Variants in MGAM2 observed in about 807,000 individuals in gnomAD.
The protein encoded by MGAM2 is maltase-glucoamylase 2 (putative).
MGAM2 carries 98 observed loss-of-function variants against 96.1 expected under a neutral mutation model. The ratio of observed to expected loss-of-function variants is 1.02; its 90% CI spans 0.87 to 1.21. MGAM2 has a LOEUF of 1.21. Among genes scored for constraint, MGAM2 ranks in the 50% most tolerant of loss-of-function variants. The pLI is 0.00. For synonymous variants in MGAM2, 749 were observed against 414.8 expected (o/e 1.81, Z -9.79); for missense variants, 2,055 against 1,182.4 (o/e 1.74, Z -10.82).
Position 142,137,545 on chromosome 7 carries a change from G to C in MGAM2, c.960G>C (p.Glu320Asp). The change falls in exon 9 of 48, where the codon GAG (glutamate) becomes GAC (aspartate). Residue 320 changes from glutamate (E) to aspartate (D), a missense_variant and splice_region_variant. By Grantham distance (45) the Glu-to-Asp change is conservative. Coordinates refer to ENST00000477922, the MANE Select transcript of MGAM2 (RefSeq NM_001293626.2). ...AACAAGTGGTTCAGGAATACTTGGAGGTATGTCTTTGCATTTAGATAGTCA... is the reference window on the plus strand; with the variant it reads ...AACAAGTGGTTCAGGAATACTTGGACGTATGTCTTTGCATTTAGATAGTCA... ...TPEQVVQEYL[E>D]LVGRPFFPPY... 1.4e-6 allele frequency: 1 copy of C among 694,126 alleles called. No homozygotes were observed. The highest frequency in any genetic ancestry group is 2.6e-6 in the Non-Finnish European group (1 of 380,830). The allele number at this position is 694,126 out of a possible 1,614,324, so 43.0% of individuals were successfully genotyped here.
intron 26 of MGAM2, among the ~76,000 whole-genome samples, chr7:142,169,748 A>G (rs932485703): frequency 6.6e-6 from 1 of 152,174 alleles, no homozygotes; most frequent in Non-Finnish European, 1.5e-5. Flanking sequence ...ACACATTTCT[A>G]TGCACATACA....
At chr7:142,173,035 C>T (rs192969126) in intron 30 of MGAM2, among the ~76,000 whole-genome samples, 194 bp from the exon 31 acceptor site, 18 of 152,258 alleles carry the variant, frequency 1.2e-4, no homozygotes, top group Admixed American at 1.1e-3. Flanking sequence ...CTCTGGAATA[C>T]AGAAAAACTT....
chr7:142,193,177 T>A (rs1343174158), intron 37 of MGAM2, among the ~76,000 whole-genome samples: 3 of 152,154 alleles, frequency 2.0e-5, no homozygotes, highest in African/African-American at 7.2e-5. Context: ...TGTTTCTCCC[T>A]TTACCAATCA....
intron 32 of MGAM2, among the ~76,000 whole-genome samples, chr7:142,182,028 G>T (rs1236075050): frequency 6.6e-6 from 1 of 152,078 alleles, no homozygotes; most frequent in African/African-American, 2.4e-5. Flanking sequence ...TGGTAAACAG[G>T]CTACATCCTT....
intron 17 of MGAM2, 105 bp downstream of exon 17, chr7:142,154,950 G>A (rs1795695080): frequency 3.1e-6 from 2 of 647,116 alleles, no homozygotes; most frequent in Admixed American, 2.4e-5. Context: ...ACTAACTGCA[G>A]CAGAAGGATA....
rs1287893387 is a variant in MGAM2, at chr7:142,157,989, G to A, written c.1976G>A (p.Arg659Lys). 1.4e-6 allele frequency: 1 copy of A among 702,910 alleles called. No homozygotes were observed. Among genetic ancestry groups the A allele is most frequent in the Non-Finnish European group, 2.6e-6 (1 of 384,980 alleles). 43.5% of individuals were successfully genotyped at this position (702,910 alleles called of 1,614,324 possible). A position where few individuals can be genotyped will look rare whatever the true frequency, so the allele number is the denominator to read the frequency against. The stretch of plus-strand genomic sequence containing the variant: ...GATTCCCTGCTGCTGAAATCCTCCA[G>A]ACATTATCTGAACATCCGCTACACC... ...GVDSLLLKSSRHYLNIRYTLL... is the reference protein window; with the variant it reads ...GVDSLLLKSSKHYLNIRYTLL... The change falls in exon 18 of 48, where the codon AGA becomes AAA. Residue 659 changes from arginine (R) to lysine (K), a missense_variant. Coordinates refer to ENST00000477922, the MANE Select transcript of MGAM2 (RefSeq NM_001293626.2).
intron 37 of MGAM2, among the ~76,000 whole-genome samples, chr7:142,194,687 C>CGTGTGTGT (rs201949167): frequency 9.0e-4 from 106 of 118,224 alleles, no homozygotes; most frequent in Admixed American, 3.9e-3. Flanking sequence ...TTTAATAGAA[C>CGTGTGTGT]ATGTGTGTAT....
At chr7:142,172,919 T>C (rs1164256088) in intron 30 of MGAM2, among the ~76,000 whole-genome samples, 155 bp downstream of exon 30, 1 of 152,224 alleles carries the variant, frequency 6.6e-6, no homozygotes, top group Non-Finnish European at 1.5e-5. Context: ...AGTATTATGG[T>C]TCTATAAAGC....
At chr7:142,135,232 G>A (rs1279161036) in intron 7 of MGAM2, among the ~76,000 whole-genome samples, 1 of 152,214 alleles carries the variant, frequency 6.6e-6, no homozygotes, top group African/African-American at 2.4e-5. Flanking sequence ...AATGGAGGGA[G>A]TGAACTTGCT....
chr7:142,161,924 A>G (rs1452637916), intron 22 of MGAM2, 31 bp from the exon 23 acceptor site: 1 of 672,136 alleles, frequency 1.5e-6, no homozygotes, highest in Non-Finnish European at 2.7e-6. Flanking sequence ...TTGGCTTCCC[A>G]TAGTAACCGG....
chr7:142,187,850 A>G lies in MGAM2; in HGVS notation c.4207+16A>G. On this transcript the variant is annotated intron_variant, in intron 36 of 47. Coordinates refer to ENST00000477922, the MANE Select transcript of MGAM2 (RefSeq NM_001293626.2). ...TATATGCCATGTATGTAAAATAATT[A>G]CTTCATCAACTTACTTTCCTACTCA... 1 of 699,384 alleles carries G rather than the reference A, an allele frequency of 1.4e-6. No individual in the cohort carries two copies. Among genetic ancestry groups the G allele is most frequent in the South Asian group, 1.5e-5 (1 of 67,138 alleles). The allele number at this position is 699,384 out of a possible 1,614,324, so 43.3% of individuals were successfully genotyped here.
At chr7:142,174,227 G>A (rs941456773) in intron 31 of MGAM2, among the ~76,000 whole-genome samples, 17 of 152,194 alleles carry the variant, frequency 1.1e-4, no homozygotes, top group African/African-American at 3.6e-4. Context: ...AATGTCAATG[G>A]TAGATTAATG....
At chr7:142,132,258 A>G (rs1187262813) in intron 6 of MGAM2, among the ~76,000 whole-genome samples, 173 bp downstream of exon 6, 1 of 150,710 alleles carries the variant, frequency 6.6e-6, no homozygotes, top group East Asian at 1.9e-4. Flanking sequence ...CATGCTCGTA[A>G]AACAGAGAAT....
chr7:142,138,716 T>C, intron 10 of MGAM2, 49 bp downstream of exon 10: 2 of 667,766 alleles, frequency 3.0e-6, no homozygotes, highest in South Asian at 3.2e-5. Context: ...TTCCCATTTT[T>C]ATTTTTTGCA....
chr7:142,198,194 C>T lies in MGAM2; in HGVS notation c.4922C>T (p.Thr1641Met), dbSNP rs767574617. The change falls in exon 43 of 48, where the codon ACG becomes ATG. Residue 1641 changes from threonine to methionine, a missense_variant and splice_region_variant. Coordinates refer to ENST00000477922, the MANE Select transcript of MGAM2 (RefSeq NM_001293626.2). ...AGAGCCCGTTGGTATGACTATAGCA[C>T]GGTAAGAACTAATATATTTGTGAAG... ...FPRARWYDYS[T>M]GTSSTSTGQR... 38 of 702,574 alleles carry T rather than the reference C, an allele frequency of 5.4e-5. No individual in the cohort carries two copies. Among genetic ancestry groups the T allele is most frequent in the African/African-American group, 1.0e-4 (6 of 57,222 alleles). The allele number at this position is 702,574 out of a possible 1,614,324, so 43.5% of individuals were successfully genotyped here. A position where few individuals can be genotyped will look rare whatever the true frequency, so the allele number is the denominator to read the frequency against.
In MGAM2 at chr7:142,136,581, G is replaced by C; in HGVS notation, c.788G>C (p.Cys263Ser). 1 of 702,644 alleles carries C rather than the reference G, an allele frequency of 1.4e-6. No individual in the cohort carries two copies. The highest frequency in any genetic ancestry group is 1.5e-5 in the South Asian group (1 of 67,374). 43.5% of individuals were successfully genotyped at this position (702,644 alleles called of 1,614,324 possible). The change falls in exon 8 of 48, where the codon TGC (cysteine) becomes TCC (serine). Residue 263 changes from cysteine to serine, a missense_variant. Transcript: ENST00000477922. ...NLYGAHTFFL[C>S]LEDARGSSFG... ...TATGGAGCTCATACATTCTTCTTGT[G>C]CCTTGAAGATGCCAGGGGCTCCTCT...
In MGAM2 at chr7:142,218,529, C is replaced by A. The variant is rs1393809136; in HGVS notation, c.5356C>A (p.Gln1786Lys). ...ETNFKSEPYN[Q>K]ILTIQLTDKT... Reference sequence around the variant, plus strand: ...AAATTTCAAGAGTGAACCTTATAATCAGGTAGGTCTGAAAGGAATATTAGC... The same window carrying A: ...AAATTTCAAGAGTGAACCTTATAATAAGGTAGGTCTGAAAGGAATATTAGC... Residue 1786 changes from glutamine (Q) to lysine (K), a missense_variant and splice_region_variant, in exon 47 of 48, where the codon CAG (glutamine) becomes AAG (lysine). Coordinates refer to ENST00000477922, the MANE Select transcript of MGAM2 (RefSeq NM_001293626.2). The A allele has an allele frequency of 1.4e-6, 1 of 690,804 alleles. No individual in the cohort carries two copies. Among genetic ancestry groups the A allele is most frequent in the Non-Finnish European group, 2.6e-6 (1 of 379,344 alleles). The allele number at this position is 690,804 out of a possible 1,614,324, so 42.8% of individuals were successfully genotyped here. A position where few individuals can be genotyped will look rare whatever the true frequency, so the allele number is the denominator to read the frequency against.
intron 20 of MGAM2, 83 bp downstream of exon 20, chr7:142,159,426 T>C: frequency 3.0e-6 from 2 of 677,346 alleles, no homozygotes; most frequent in Non-Finnish European, 5.3e-6. Context: ...GAGCTTGCCA[T>C]AGAATAATAG....
intron 2 of MGAM2, among the ~76,000 whole-genome samples, chr7:142,117,971 A>G (rs1444492274): frequency 6.7e-6 from 1 of 148,774 alleles, no homozygotes; most frequent in Non-Finnish European, 1.5e-5. Context: ...ATGTATTTCC[A>G]TGGGTTGAAA....
Sources: allele counts gnomAD v4.1 joint callset (sites outside exome capture counted in the v4.1 genomes callset), GRCh38; gene constraint gnomAD v4.1.1; transcripts MANE v1.5; gene names NCBI Gene and HGNC (gene_info 2026-07-23, HGNC 2026-07-21).